The following CWH43 variants were observed in gnomAD, a reference collection of about 807,000 sequenced individuals.
The protein encoded by CWH43 is cell wall biogenesis 43 C-terminal homolog.
A neutral mutation model predicts 85.7 loss-of-function variants in CWH43; 91 were observed. The ratio of observed to expected loss-of-function variants is 1.06; its 90% confidence interval spans 0.90 to 1.26. The LOEUF is 1.26. Among genes scored for constraint, CWH43 ranks in the 50% most tolerant of loss-of-function variants. CWH43 has a pLI of 0.00. For synonymous variants in CWH43, 323 were observed against 293.6 expected (o/e 1.10, Z -1.02); for missense variants, 869 against 839.2 (o/e 1.04, Z -0.44).
intron 6 of CWH43, 68 bp from the exon 7 acceptor site, chr4:49,003,667 G>T: frequency 6.5e-7 from 1 of 1,533,800 alleles, no homozygotes; most frequent in Admixed American, 1.7e-5. Flanking sequence ...TGGTCCTAAA[G>T]GCTATAAATT....
At chr4:49,051,264 A>T (rs1560515997) in intron 15 of CWH43, among the ~76,000 whole-genome samples, 1 of 152,196 alleles carries the variant, frequency 6.6e-6, no homozygotes, top group Non-Finnish European at 1.5e-5. Context: ...CAAGCTTAAG[A>T]ACATGAAGTA....
At chr4:49,040,903 C>T (rs1008643588) in intron 13 of CWH43, among the ~76,000 whole-genome samples, 66 of 152,188 alleles carry the variant, frequency 4.3e-4, no homozygotes, top group Non-Finnish European at 1.3e-4. Flanking sequence ...TTTAATCCAT[C>T]TTGAATTAAT....
At chr4:48,996,270 C>A (rs1782809308) in intron 5 of CWH43, among the ~76,000 whole-genome samples, 1 of 151,152 alleles carries the variant, frequency 6.6e-6, no homozygotes, top group Non-Finnish European at 1.5e-5. Flanking sequence ...TTGAGTCAAT[C>A]AATTTTTATA....
In CWH43 at chr4:49,003,707, G is replaced by C. The variant is rs752844300; in HGVS notation, c.803-28G>C. On this transcript the variant is annotated intron_variant, in intron 6 of 15. Transcript: ENST00000226432. ...ATCCTCTAAGCTCGACTGCTTTCCT[G>C]TCTGATTCTTTTCTCTCTCACAAAC... 2.5e-6 allele frequency: 4 copies of C among 1,612,410 alleles called. No individual in the cohort carries two copies. In the Admixed American group the frequency reaches 6.7e-5, roughly 27 times the overall value.
chr4:48,988,361 G>A lies in CWH43; in HGVS notation c.44-116G>A, dbSNP rs1485538929. ...TGGAGACAACTGGAACCCAGTTCAG[G>A]CCAGAGTCATGAAGAAGAATGACCA... On this transcript the variant is annotated intron_variant, in intron 1 of 15. Coordinates refer to ENST00000226432, the MANE Select transcript of CWH43 (RefSeq NM_025087.3). The A allele has an allele frequency of 5.6e-6, 4 of 717,068 alleles. No homozygotes were observed. In the East Asian group the frequency reaches 1.1e-4, roughly 20 times the overall value. 44.4% of individuals were successfully genotyped at this position (717,068 alleles called of 1,614,324 possible). A position where few individuals can be genotyped will look rare whatever the true frequency, so the allele number is the denominator to read the frequency against.
At chr4:49,008,485 T>A (rs1371096445) in intron 8 of CWH43, among the ~76,000 whole-genome samples, 3 of 152,212 alleles carry the variant, frequency 2.0e-5, no homozygotes, top group Non-Finnish European at 4.4e-5. Context: ...TTTAATTAGA[T>A]CCCATTTGTC....
intron 12 of CWH43, 63 bp from the exon 13 acceptor site, chr4:49,037,973 C>T: frequency 6.8e-7 from 1 of 1,479,426 alleles, no homozygotes; most frequent in Admixed American, 2.1e-5. Flanking sequence ...AACTTAGGTA[C>T]CTAAGGCTTT....
Position 49,050,710 on chromosome 4 carries a change from A to G in CWH43, c.1882A>G (p.Ile628Val), listed in dbSNP as rs200414700. 147 of 1,612,092 alleles carry G rather than the reference A, an allele frequency of 9.1e-5. No individual in the cohort carries two copies. The highest frequency in any genetic ancestry group is 4.0e-4 in the Admixed American group (24 of 59,620). The change falls in exon 15 of 16, where the codon ATC becomes GTC. Residue 628 changes from isoleucine to valine, a missense_variant. By Grantham distance (29) the Ile-to-Val change is conservative. This residue lies in a region of CWH43 where 577 missense variants were observed against 513.1 expected (regional missense o/e 1.12). Transcript: ENST00000226432. ...CTGCTACAGGTTGGGTTATGCAAGA[A>G]TCTCCCATGCTGAACTGAGTGATTC... Reference protein sequence around the residue: ...RGLIRLGYARISHAELSDSEI... With the variant: ...RGLIRLGYARVSHAELSDSEI...
intron 5 of CWH43, among the ~76,000 whole-genome samples, chr4:48,995,955 T>G (rs1417750370): frequency 1.3e-5 from 2 of 152,088 alleles, no homozygotes; most frequent in African/African-American, 4.8e-5. Context: ...TGATAACCTC[T>G]CAGCAGTTCC....
At chr4:49,002,390 T>C (rs2109758837) in intron 6 of CWH43, among the ~76,000 whole-genome samples, 1 of 152,288 alleles carries the variant, frequency 6.6e-6, no homozygotes, top group East Asian at 1.9e-4. Context: ...AAAAAAATTA[T>C]TTACACTAGT....
intron 8 of CWH43, among the ~76,000 whole-genome samples, chr4:49,012,774 GACGTTTGCC>G (rs1783406013): frequency 6.6e-6 from 1 of 152,214 alleles, no homozygotes; most frequent in South Asian, 2.1e-4. Context: ...GTCCACTCCA[GACGTTTGCC>G]TGGGTATCAC....
chr4:49,020,908 T>G (rs2109790172), intron 9 of CWH43, among the ~76,000 whole-genome samples: 1 of 152,318 alleles, frequency 6.6e-6, no homozygotes, highest in African/African-American at 2.4e-5. Flanking sequence ...ATGGGATTTT[T>G]TTTTTCTTGC....
chr4:49,014,272 G>A (rs1783460104), intron 8 of CWH43, among the ~76,000 whole-genome samples: 1 of 152,104 alleles, frequency 6.6e-6, no homozygotes, highest in Admixed American at 6.5e-5. Context: ...AAGCAATGTA[G>A]TGAGACCCCA....
intron 9 of CWH43, among the ~76,000 whole-genome samples, chr4:49,024,332 C>T (rs1429521702): frequency 6.6e-6 from 1 of 152,124 alleles, no homozygotes; most frequent in Non-Finnish European, 1.5e-5. Context: ...GCATTTAGGA[C>T]ATTTACATTT....
At chr4:48,987,585 G>A (rs895357513) in intron 1 of CWH43, among the ~76,000 whole-genome samples, 3 of 152,136 alleles carry the variant, frequency 2.0e-5, no homozygotes, top group African/African-American at 7.2e-5. Context: ...ATTTATAAGA[G>A]GGGAGCGGAA....
chr4:49,021,439 G>C (rs938262088), intron 9 of CWH43, among the ~76,000 whole-genome samples: 1 of 152,098 alleles, frequency 6.6e-6, no homozygotes, highest in Non-Finnish European at 1.5e-5. Flanking sequence ...GTACCATGCT[G>C]TTTTTGTGAC....
chr4:49,041,744 T>C (rs1439637514), intron 13 of CWH43, among the ~76,000 whole-genome samples: 1 of 152,180 alleles, frequency 6.6e-6, no homozygotes, highest in Non-Finnish European at 1.5e-5. Flanking sequence ...ACAAGGACTC[T>C]GTTCCCAAAC....
intron 7 of CWH43, among the ~76,000 whole-genome samples, chr4:49,004,885 A>C (rs753020113): frequency 3.3e-5 from 5 of 152,202 alleles, no homozygotes; most frequent in Non-Finnish European, 7.3e-5. Context: ...ATAATTTCAT[A>C]AACTTAGTTC....
At chr4:49,032,537 T>C (rs1208973846) in intron 11 of CWH43, 29 bp from the exon 12 acceptor site, 2 of 1,612,428 alleles carry the variant, frequency 1.2e-6, no homozygotes, top group Admixed American at 1.7e-5. Context: ...CTGACAATGA[T>C]GCCCATGTCT....
Sources: allele counts gnomAD v4.1 joint callset (sites outside exome capture counted in the v4.1 genomes callset), GRCh38; gene constraint gnomAD v4.1.1; regional missense constraint gnomAD v4.1.1; transcripts MANE v1.5; gene names NCBI Gene and HGNC (gene_info 2026-07-23, HGNC 2026-07-21).